EBF1: variants seen among roughly 807,000 people sequenced by gnomAD.
The protein encoded by EBF1 is transcription factor COE1.
EBF1 carries 10 observed loss-of-function variants against 68.4 expected under a neutral mutation model. The observed-to-expected ratio is 0.15, with a 90% confidence interval of 0.09 to 0.25. The LOEUF is 0.25. EBF1 is among the 10% of genes least tolerant of loss of function. EBF1 has a pLI of 1.00. For synonymous variants in EBF1, 298 were observed against 299.8 expected, an observed-to-expected ratio of 0.99 and a Z score of 0.06; for missense variants, 509 against 794.4, an observed-to-expected ratio of 0.64 and a Z score of 4.32.
intron 11 of EBF1, among the ~76,000 whole-genome samples, chr5:158,714,761 G>C (rs1055573893): frequency 6.6e-6 from 1 of 152,272 alleles, no homozygotes; most frequent in Middle Eastern, 3.4e-3. Context: ...GGACTCTACT[G>C]TCCTCAGAGG....
chr5:159,080,427 T>C (rs983634167), intron 5 of EBF1, among the ~76,000 whole-genome samples: 16 of 152,200 alleles, frequency 1.1e-4, no homozygotes, highest in Admixed American at 7.2e-4. Context: ...TCCCTGGCTC[T>C]CCGTTTTTGA....
chr5:158,732,702 A>C (rs1764358734), intron 10 of EBF1, among the ~76,000 whole-genome samples: 1 of 152,196 alleles, frequency 6.6e-6, no homozygotes, highest in Non-Finnish European at 1.5e-5. Context: ...CATAAATCAG[A>C]GTAAGTACTT....
chr5:158,932,474 C>T (rs781161374), intron 6 of EBF1, among the ~76,000 whole-genome samples: 8 of 151,878 alleles, frequency 5.3e-5, no homozygotes, highest in Non-Finnish European at 1.0e-4. Context: ...GATACCTAAG[C>T]GTGAACAGTG....
intron 10 of EBF1, among the ~76,000 whole-genome samples, chr5:158,731,553 A>G (rs1764092962): frequency 6.6e-6 from 1 of 152,254 alleles, no homozygotes; most frequent in Non-Finnish European, 1.5e-5. Context: ...AGGAGAATTA[A>G]AAGTATCTGC....
At chr5:159,092,201 C>T (rs1007636200) in intron 4 of EBF1, among the ~76,000 whole-genome samples, 1 of 152,194 alleles carries the variant, frequency 6.6e-6, no homozygotes, top group African/African-American at 2.4e-5. Context: ...CAGCCATAAA[C>T]TTCTGGGTCC....
chr5:158,854,701 C>G (rs940539756), intron 6 of EBF1, among the ~76,000 whole-genome samples: 1 of 152,174 alleles, frequency 6.6e-6, no homozygotes, highest in Admixed American at 6.5e-5. Flanking sequence ...GAGACTGTGG[C>G]CTCAAAAGTC....
At chr5:158,874,286 A>T (rs1205483528) in intron 6 of EBF1, among the ~76,000 whole-genome samples, 6 of 152,222 alleles carry the variant, frequency 3.9e-5, no homozygotes, top group Non-Finnish European at 7.3e-5. Flanking sequence ...AAAAAAAGAG[A>T]GAGGAGATAC....
At chr5:159,057,104 CTTTTTTTTTT>C (rs1205129627) in intron 6 of EBF1, among the ~76,000 whole-genome samples, 2 of 110,658 alleles carry the variant, frequency 1.8e-5, no homozygotes, top group Admixed American at 2.0e-4. Flanking sequence ...CTTTTCTTTT[CTTTTTTTTTT>C]TTTTTTTTTT....
intron 9 of EBF1, among the ~76,000 whole-genome samples, chr5:158,793,877 T>C (rs1779149212): frequency 6.6e-6 from 1 of 152,170 alleles, no homozygotes; most frequent in African/African-American, 2.4e-5. Flanking sequence ...GTGTGCCAAG[T>C]AGCCTGTACG....
intron 10 of EBF1, among the ~76,000 whole-genome samples, chr5:158,749,346 G>GCCAT (rs1768261671): frequency 6.6e-6 from 1 of 152,096 alleles, no homozygotes; most frequent in South Asian, 2.1e-4. Context: ...AATATGCAAT[G>GCCAT]CCATCTCTTT....
intron 6 of EBF1, among the ~76,000 whole-genome samples, chr5:159,031,633 G>T (rs1222335133): frequency 6.6e-6 from 1 of 152,194 alleles, no homozygotes; most frequent in Non-Finnish European, 1.5e-5. Flanking sequence ...TTAAAATCAT[G>T]CATTCAGTCT....
chr5:158,964,385 C>CT (rs1237552320), intron 6 of EBF1, among the ~76,000 whole-genome samples: 1 of 152,172 alleles, frequency 6.6e-6, no homozygotes, highest in African/African-American at 2.4e-5. Flanking sequence ...ATCATTCTAG[C>CT]TGCCGTGTAG....
At chr5:158,832,890 T>C (rs1051994149) in intron 7 of EBF1, among the ~76,000 whole-genome samples, 1 of 152,228 alleles carries the variant, frequency 6.6e-6, no homozygotes. Context: ...GAATTTGGGA[T>C]GAATAACCCA....
chr5:158,985,474 AT>A (rs1758839841), intron 6 of EBF1, among the ~76,000 whole-genome samples: 1 of 152,222 alleles, frequency 6.6e-6, no homozygotes, highest in South Asian at 2.1e-4. Context: ...TGCTTTAAAG[AT>A]GGCCAGGAAA....
intron 6 of EBF1, among the ~76,000 whole-genome samples, chr5:159,020,422 A>G (rs917073796): frequency 6.6e-6 from 1 of 152,144 alleles, no homozygotes; most frequent in African/African-American, 2.4e-5. Flanking sequence ...GCCTCAACCC[A>G]GCAGGCCTTT....
intron 8 of EBF1, among the ~76,000 whole-genome samples, chr5:158,805,858 T>C (rs1012711629): frequency 6.6e-6 from 1 of 152,048 alleles, no homozygotes. Context: ...CTTCTTTTTT[T>C]TTCTATTACA....
intron 6 of EBF1, among the ~76,000 whole-genome samples, chr5:158,939,523 A>G (rs1046678685): frequency 2.4e-4 from 36 of 152,184 alleles, no homozygotes; most frequent in African/African-American, 8.2e-4. Context: ...TCAAACCTGG[A>G]TTTAATTGAA....
intron 14 of EBF1, 128 bp downstream of exon 14, chr5:158,712,026 G>A (rs1759459369): frequency 9.0e-7 from 1 of 1,109,338 alleles, no homozygotes; most frequent in Non-Finnish European, 1.3e-6. Flanking sequence ...ATCACCCAGG[G>A]GAGTGCCTTA....
chr5:158,811,871 C>G (rs1398437926), intron 8 of EBF1, among the ~76,000 whole-genome samples: 1 of 152,044 alleles, frequency 6.6e-6, no homozygotes, highest in African/African-American at 2.4e-5. Flanking sequence ...ATGTTTTATC[C>G]CCACGTGGAA....
Sources: allele counts gnomAD v4.1 joint callset (sites outside exome capture counted in the v4.1 genomes callset), GRCh38; gene constraint gnomAD v4.1.1; transcripts MANE v1.5; gene names NCBI Gene and HGNC (gene_info 2026-07-23, HGNC 2026-07-21).